Variants in EYS observed in about 807,000 individuals in gnomAD.
EYS encodes the protein protein eyes shut homolog.
In EYS, 250 loss-of-function variants were observed where a neutral mutation model predicts 282.1. That is an observed-to-expected ratio of 0.89 (90% CI 0.80 to 0.98). EYS has a LOEUF of 0.98. Among genes scored for constraint, EYS ranks in the 50% least tolerant of loss-of-function variants. The pLI is 0.00. For missense variants in EYS, 4,016 were observed against 3,709.0 expected (o/e 1.08, Z -2.15); for synonymous variants, 1,355 against 1,282.9 (o/e 1.06, Z -1.20).
chr6:65,558,112 G>A (rs1040886801), intron 2 of EYS, among the ~76,000 whole-genome samples: 2 of 152,126 alleles, frequency 1.3e-5, no homozygotes, highest in Admixed American at 6.5e-5. Flanking sequence ...GGGTTTCACT[G>A]GGGACCTTCT....
At chr6:64,168,444 AG>A (rs1293002996) in intron 31 of EYS, among the ~76,000 whole-genome samples, 2 of 152,218 alleles carry the variant, frequency 1.3e-5, no homozygotes, top group Admixed American at 1.3e-4. Context: ...TTCTACTCCT[AG>A]GTATCTAAGC....
intron 41 of EYS, among the ~76,000 whole-genome samples, chr6:63,755,593 G>C (rs1442433236): frequency 6.6e-6 from 1 of 152,152 alleles, no homozygotes; most frequent in Non-Finnish European, 1.5e-5. Flanking sequence ...TTTTTGCTTA[G>C]GATTGTCCTG....
chr6:65,571,344 A>T (rs1483351514), intron 2 of EYS, among the ~76,000 whole-genome samples: 1 of 152,042 alleles, frequency 6.6e-6, no homozygotes, highest in Non-Finnish European at 1.5e-5. Context: ...CAAGAATAAA[A>T]GTTGATAGGC....
intron 2 of EYS, among the ~76,000 whole-genome samples, chr6:65,589,730 T>C (rs188416779): frequency 7.2e-5 from 11 of 152,146 alleles, no homozygotes; most frequent in Admixed American, 6.6e-4. Flanking sequence ...TTAATATTTC[T>C]AATAATTCAG....
chr6:63,748,861 T>C (rs1057439583), intron 41 of EYS, among the ~76,000 whole-genome samples: 2 of 152,144 alleles, frequency 1.3e-5, no homozygotes, highest in African/African-American at 4.8e-5. Flanking sequence ...ATTGTGTTTA[T>C]TTGGATCTTC....
At chr6:64,409,417 A>C (rs1010980483) in intron 28 of EYS, among the ~76,000 whole-genome samples, 2 of 152,212 alleles carry the variant, frequency 1.3e-5, no homozygotes, top group South Asian at 4.1e-4. Context: ...AAAAATTGAC[A>C]AGTGGGATCA....
At position 64,085,329 on chromosome 6, in the gene EYS, C is replaced by G. The variant is rs1033684819; in HGVS notation, c.6425-3327G>C. On this transcript the variant is annotated intron_variant, in intron 31 of 42. Transcript: ENST00000503581. ...CTCCTTCCAGACGCGCGCGCGTGCG[C>G]ACGTGCGCGCGCACACACACACACA... 2.7e-4 allele frequency among the ~76,000 whole-genome samples: 33 copies of G among 122,176 alleles called. 1 individual carries two copies. Among genetic ancestry groups the G allele is most frequent in the African/African-American group, 1.2e-3 (31 of 25,208 alleles). The allele number at this position is 122,176 out of a possible 152,430, so 80.2% of individuals were successfully genotyped here. A position where few individuals can be genotyped will look rare whatever the true frequency, so the allele number is the denominator to read the frequency against.
At chr6:63,874,680 C>T (rs189883731) in intron 35 of EYS, among the ~76,000 whole-genome samples, 22 of 152,216 alleles carry the variant, frequency 1.4e-4, no homozygotes, top group African/African-American at 5.3e-4. Flanking sequence ...TTGAAGAGGT[C>T]CTTCACATCC....
chr6:65,500,234 C>T (rs1300996015), intron 2 of EYS, among the ~76,000 whole-genome samples: 2 of 151,784 alleles, frequency 1.3e-5, no homozygotes, highest in Non-Finnish European at 2.9e-5. Context: ...AACATGATTG[C>T]CAATAAGGCA....
At chr6:65,572,492 C>A (rs548894009) in intron 2 of EYS, among the ~76,000 whole-genome samples, 3 of 152,088 alleles carry the variant, frequency 2.0e-5, no homozygotes, top group South Asian at 4.2e-4. Context: ...CATGAAAAAT[C>A]GATGTGGGGA....
intron 26 of EYS, among the ~76,000 whole-genome samples, chr6:64,520,082 G>A (rs917732914): frequency 1.3e-5 from 2 of 151,788 alleles, no homozygotes; most frequent in Non-Finnish European, 2.9e-5. Context: ...ACAGGTTTGT[G>A]CTGTCCTAGA....
At chr6:64,303,365 A>C (rs1291471609) in intron 30 of EYS, among the ~76,000 whole-genome samples, 2 of 152,224 alleles carry the variant, frequency 1.3e-5, no homozygotes, top group Non-Finnish European at 2.9e-5. Flanking sequence ...TAGGATTCAA[A>C]GCTGGAATAC....
intron 28 of EYS, among the ~76,000 whole-genome samples, chr6:64,389,076 T>A (rs1773011377): frequency 6.6e-6 from 1 of 152,174 alleles, no homozygotes; most frequent in African/African-American, 2.4e-5. Flanking sequence ...ATGAAATAAA[T>A]AAATCCTGAT....
chr6:64,941,701 A>T (rs1228284085), intron 15 of EYS, among the ~76,000 whole-genome samples: 1 of 152,060 alleles, frequency 6.6e-6, no homozygotes, highest in Non-Finnish European at 1.5e-5. Flanking sequence ...ATAAGTGAGA[A>T]CATATGATAT....
chr6:64,985,960 C>G (rs1368462191), intron 14 of EYS, among the ~76,000 whole-genome samples: 1 of 151,482 alleles, frequency 6.6e-6, no homozygotes, highest in Non-Finnish European at 1.5e-5. Context: ...TTCCAGAATC[C>G]AGCTACGTTC....
chr6:65,167,524 G>A (rs939722640), intron 12 of EYS, among the ~76,000 whole-genome samples: 1 of 151,124 alleles, frequency 6.6e-6, no homozygotes, highest in Non-Finnish European at 1.5e-5. Flanking sequence ...TTGGTTTTCT[G>A]CAATTTTGCT....
intron 12 of EYS, among the ~76,000 whole-genome samples, chr6:65,132,475 A>C (rs1473697472): frequency 2.0e-5 from 3 of 152,092 alleles, no homozygotes; most frequent in Middle Eastern, 3.2e-3. Flanking sequence ...TGATTATCTC[A>C]ATAGATGCAT....
intron 28 of EYS, among the ~76,000 whole-genome samples, chr6:64,410,914 A>T (rs1773868751): frequency 6.6e-6 from 1 of 152,132 alleles, no homozygotes; most frequent in Non-Finnish European, 1.5e-5. Context: ...AAACATTAGA[A>T]TTTTGGATAC....
chr6:65,603,065 C>A (rs983887536), intron 2 of EYS, among the ~76,000 whole-genome samples: 4 of 151,886 alleles, frequency 2.6e-5, no homozygotes, highest in African/African-American at 9.7e-5. Flanking sequence ...TACAAATACT[C>A]TAAATAATCT....
Sources: gnomAD v4.1 joint callset for allele counts (sites outside exome capture counted in the v4.1 genomes callset) on GRCh38, gnomAD v4.1.1 for gene constraint, MANE v1.5 for transcripts, NCBI Gene and HGNC (gene_info 2026-07-23, HGNC 2026-07-21) for gene names.